Variants in ADGRL2 observed in about 807,000 individuals in gnomAD.
The protein encoded by ADGRL2 is adhesion G protein-coupled receptor L2.
In ADGRL2, 44 loss-of-function variants were observed where a neutral mutation model predicts 157.4. That is an observed-to-expected ratio of 0.28 (90% confidence interval 0.22 to 0.36). ADGRL2 has a LOEUF of 0.36. ADGRL2 is among the 10% of genes least tolerant of loss of function. ADGRL2 has a pLI of 1.00. For synonymous variants in ADGRL2, 585 were observed against 624.7 expected, an observed-to-expected ratio of 0.94 and a Z score of 0.95; for missense variants, 1,510 against 1,768.9, an observed-to-expected ratio of 0.85 and a Z score of 2.63.
intron 1 of ADGRL2, among the ~76,000 whole-genome samples, chr1:81,828,081 G>A (rs2091648474): frequency 6.6e-6 from 1 of 152,164 alleles, no homozygotes; most frequent in Non-Finnish European, 1.5e-5. Context: ...TCTATAAACA[G>A]GGGTTGGGCA....
At chr1:81,730,452 G>C (rs1158210921) in intron 1 of ADGRL2, among the ~76,000 whole-genome samples, 1 of 152,124 alleles carries the variant, frequency 6.6e-6, no homozygotes, top group Non-Finnish European at 1.5e-5. Flanking sequence ...TGCAGGGCCG[G>C]GCACAGTGGC....
intron 1 of ADGRL2, among the ~76,000 whole-genome samples, chr1:81,701,732 G>T (rs752891015): frequency 2.0e-5 from 3 of 152,184 alleles, no homozygotes; most frequent in African/African-American, 4.8e-5. Flanking sequence ...ACATTTCAAT[G>T]CTTTTCAGTT....
intron 2 of ADGRL2, among the ~76,000 whole-genome samples, chr1:81,565,032 A>C (rs1370153497): frequency 1.3e-5 from 2 of 152,216 alleles, no homozygotes; most frequent in African/African-American, 2.4e-5. Context: ...TTCAAATATC[A>C]AAAAAGTCAG....
chr1:81,959,638 C>T (rs777090686), intron 11 of ADGRL2, among the ~76,000 whole-genome samples: 2 of 152,012 alleles, frequency 1.3e-5, no homozygotes, highest in African/African-American at 4.8e-5. Context: ...ATGGATATAT[C>T]CCATACTCTT....
rs1331836500 is a variant in ADGRL2, at chr1:81,747,072, ATGTATATATG to A, written c.-142-14730_-142-14721del. ...TATACGTATATACACATGTGTATATATGTATATATGTGTATATACGTAATATATACATATA... is the reference window on the plus strand; with the variant it reads ...TATACGTATATACACATGTGTATATATGTATATACGTAATATATACATATA... On this transcript the variant is annotated intron_variant, in intron 1 of 20. Coordinates refer to the ADGRL2 transcript ENST00000359929. 3.4e-5 allele frequency among the ~76,000 whole-genome samples: 5 copies of A among 147,118 alleles called. No individual in the cohort carries two copies. In the South Asian group the frequency reaches 6.3e-4, roughly 19 times the overall value.
intron 1 of ADGRL2, among the ~76,000 whole-genome samples, chr1:81,833,713 A>G (rs2092104561): frequency 2.0e-5 from 3 of 152,210 alleles, no homozygotes; most frequent in Admixed American, 2.0e-4. Flanking sequence ...TATTTAATGC[A>G]GCTAATAAAT....
intron 2 of ADGRL2, 32 bp from the exon 3 acceptor site, chr1:81,906,985 A>G: frequency 6.6e-7 from 1 of 1,511,636 alleles, no homozygotes. Context: ...TAAATGAGTT[A>G]CAGTTTAATT....
chr1:81,607,707 T>C (rs1466181387), intron 3 of ADGRL2, among the ~76,000 whole-genome samples: 1 of 152,230 alleles, frequency 6.6e-6, no homozygotes, highest in Non-Finnish European at 1.5e-5. Flanking sequence ...TTGGAATATT[T>C]ATATTTTAGA....
rs143665480 is a variant in ADGRL2 at position 81,421,029 on chromosome 1, G to T, written c.-301-24007G>T. Among the ~76,000 whole-genome samples, 686 of 152,186 alleles carry T rather than the reference G, an allele frequency of 4.5e-3. 4 individuals carry two copies. The highest frequency in any genetic ancestry group is 0.015 in the African/African-American group (623 of 41,532). On this transcript the variant is annotated intron_variant, in intron 1 of 24. Transcript: ENST00000370721. ...GAAACCACACAAAAAACCTCAAATAGCATCTTTTGGGTTTTCAGTTGGCAA... is the reference window on the plus strand; with the variant it reads ...GAAACCACACAAAAAACCTCAAATATCATCTTTTGGGTTTTCAGTTGGCAA...
chr1:81,625,093 G>A (rs1315312072), intron 3 of ADGRL2, among the ~76,000 whole-genome samples: 1 of 152,108 alleles, frequency 6.6e-6, no homozygotes, highest in Non-Finnish European at 1.5e-5. Flanking sequence ...AACAGAACAA[G>A]CATTATCATC....
intron 17 of ADGRL2, among the ~76,000 whole-genome samples, chr1:81,975,714 G>A (rs1373467673): frequency 6.6e-6 from 1 of 151,980 alleles, no homozygotes; most frequent in Non-Finnish European, 1.5e-5. Flanking sequence ...TGAGAAAAAT[G>A]CAAAGAAGAA....
At chr1:81,529,426 G>A (rs79123636) in intron 2 of ADGRL2, among the ~76,000 whole-genome samples, 2,451 of 152,302 alleles carry the variant, frequency 0.016, 69 homozygotes, top group African/African-American at 0.056. Context: ...TTTCAGTTGC[G>A]CCCTGTGGCA....
At chr1:81,520,649 C>T (rs1316660319) in intron 2 of ADGRL2, among the ~76,000 whole-genome samples, 4 of 152,152 alleles carry the variant, frequency 2.6e-5, no homozygotes, top group Admixed American at 1.3e-4. Context: ...CCTGCCTCCA[C>T]GTTAGAAGTA....
chr1:81,646,197 G>A (rs935942359), intron 3 of ADGRL2, among the ~76,000 whole-genome samples: 3 of 152,206 alleles, frequency 2.0e-5, no homozygotes, highest in South Asian at 2.1e-4. Flanking sequence ...GATATCACTT[G>A]TCTTAATGCA....
At chr1:81,484,553 A>T (rs2078459451) in intron 2 of ADGRL2, among the ~76,000 whole-genome samples, 1 of 152,190 alleles carries the variant, frequency 6.6e-6, no homozygotes. Flanking sequence ...AGAAAGGGCC[A>T]CTTTTAGTTT....
chr1:81,795,416 G>GT (rs1049968526), upstream of ADGRL2, among the ~76,000 whole-genome samples: 6 of 151,854 alleles, frequency 4.0e-5, no homozygotes, highest in African/African-American at 9.7e-5. Context: ...ACATAAATAA[G>GT]TTTTTTTGTG....
At chr1:81,360,982 AAATGAT>A (rs2075967493) in intron 1 of ADGRL2, among the ~76,000 whole-genome samples, 1 of 151,940 alleles carries the variant, frequency 6.6e-6, no homozygotes, top group African/African-American at 2.4e-5. Context: ...AGAGAAATGA[AAATGAT>A]AAGAGGAAAC....
intron 2 of ADGRL2, among the ~76,000 whole-genome samples, chr1:81,543,772 A>G (rs1005210330): frequency 1.3e-5 from 2 of 152,118 alleles, no homozygotes; most frequent in African/African-American, 4.8e-5. Context: ...AACAAAAGCC[A>G]AAGTCCTCAC....
chr1:81,707,312 C>T (rs1216441804), intron 1 of ADGRL2, among the ~76,000 whole-genome samples: 2 of 152,020 alleles, frequency 1.3e-5, no homozygotes, highest in African/African-American at 2.4e-5. Context: ...AGGAATTTTC[C>T]CCTAAGAATG....
Sources: allele counts gnomAD v4.1 joint callset (sites outside exome capture counted in the v4.1 genomes callset), GRCh38; gene constraint gnomAD v4.1.1; transcripts MANE v1.5; gene names NCBI Gene and HGNC (gene_info 2026-07-23, HGNC 2026-07-21).